The following ANKRD36C variants were observed in gnomAD, a reference collection of about 807,000 sequenced individuals.
The protein encoded by ANKRD36C is ankyrin repeat domain 36C.
Under a neutral mutation model 276.4 loss-of-function variants are expected in ANKRD36C, and 61 were observed. The observed-to-expected ratio is 0.22, with a 90% CI of 0.18 to 0.27. The LOEUF is 0.27. ANKRD36C is among the 10% of genes least tolerant of loss of function. The probability of loss-of-function intolerance (pLI) is 1.00; values close to 1 mark genes in which losing one functional copy is unlikely to be tolerated. For synonymous variants in ANKRD36C, 483 were observed against 680.1 expected, an observed-to-expected ratio of 0.71 and a Z score of 4.51; for missense variants, 1,447 against 2,032.3, an observed-to-expected ratio of 0.71 and a Z score of 5.54.
At chr2:95,891,234 A>C (rs1021999301) in intron 46 of ANKRD36C, among the ~76,000 whole-genome samples, 2 of 150,654 alleles carry the variant, frequency 1.3e-5, no homozygotes, top group African/African-American at 4.8e-5. Context: ...AATAGTTGCT[A>C]CACCAGGGGT....
At chr2:95,897,219 T>A in intron 44 of ANKRD36C, 51 bp downstream of exon 60, 1 of 1,328,278 alleles carries the variant, frequency 7.5e-7, no homozygotes, top group South Asian at 1.3e-5. Context: ...CGGAAGAGAA[T>A]TTCTTATCTA....
rs193204799 is a variant in ANKRD36C at position 95,986,317 on chromosome 2, T to C, written c.486+434A>G. Among the ~76,000 whole-genome samples the C allele has an allele frequency of 1.9e-3, 289 of 151,974 alleles. 4 individuals are homozygous for C. The highest frequency in any genetic ancestry group is 6.3e-3 in the African/African-American group (260 of 41,238). ...CAGATGAAATCACCTTCACATACAA[T>C]ACTTGTCAACAGCAACAAGATGTAC... On this transcript the variant is annotated intron_variant, in intron 3 of 66. Transcript: ENST00000456556.
intron 38 of ANKRD36C, among the ~76,000 whole-genome samples, chr2:95,915,240 G>T (rs907545052): frequency 9.2e-5 from 14 of 151,488 alleles, no homozygotes; most frequent in Non-Finnish European, 2.1e-4. Context: ...GAACAAGTAA[G>T]CCAACCTATT....
At chr2:95,902,157 A>C (rs1343754222) in intron 42 of ANKRD36C, among the ~76,000 whole-genome samples, 1 of 149,906 alleles carries the variant, frequency 6.7e-6, no homozygotes, top group Non-Finnish European at 1.5e-5. Context: ...ATTTATTCAT[A>C]TTCAAGATTA....
chr2:95,861,351 T>C (rs368259123), intron 60 of ANKRD36C, among the ~76,000 whole-genome samples: 3 of 151,706 alleles, frequency 2.0e-5, no homozygotes, highest in Non-Finnish European at 2.9e-5. Flanking sequence ...AAGCAGTTAA[T>C]AGATAACTCC....
At chr2:95,866,927 G>C (rs1350084940) in intron 60 of ANKRD36C, among the ~76,000 whole-genome samples, 2 of 152,154 alleles carry the variant, frequency 1.3e-5, no homozygotes, top group Non-Finnish European at 1.5e-5. Context: ...CTAAGGCACT[G>C]GCTGTGACAC....
chr2:95,920,118 C>G (rs1178580718), intron 34 of ANKRD36C, among the ~76,000 whole-genome samples, 198 bp from the exon 35 acceptor site: 3 of 131,622 alleles, frequency 2.3e-5, no homozygotes, highest in Non-Finnish European at 3.4e-5. Context: ...TCAAATATAT[C>G]CTTACAATTT....
At chr2:95,926,523 ATAAC>A (rs1401015136) in intron 28 of ANKRD36C, among the ~76,000 whole-genome samples, 5 of 151,624 alleles carry the variant, frequency 3.3e-5, no homozygotes, top group Non-Finnish European at 1.5e-5. Flanking sequence ...TGTCATTTGA[ATAAC>A]TAATATCAAC....
At chr2:95,916,303 T>A in intron 36 of ANKRD36C, 132 bp from the exon 39 acceptor site, 1 of 1,475,574 alleles carries the variant, frequency 6.8e-7, no homozygotes, top group Non-Finnish European at 9.2e-7. Context: ...TTCTACTTTG[T>A]GTCTGGGGAC....
rs1347308129 is a variant in ANKRD36C, at chr2:95,944,613, A to G, written c.1491+14T>C. The G allele has an allele frequency of 2.0e-6, 3 of 1,536,934 alleles. No individual in the cohort carries two copies. In the South Asian group the frequency reaches 3.6e-5, roughly 18 times the overall value. On this transcript the variant is annotated intron_variant, in intron 19 of 66. Coordinates refer to ENST00000456556, the Ensembl canonical transcript of ANKRD36C. Reference sequence around the variant, plus strand: ...GATTATTCTATGTTGGCTTTTAACCACATCTTCATTTACCTTATCAACATT... The same window carrying G: ...GATTATTCTATGTTGGCTTTTAACCGCATCTTCATTTACCTTATCAACATT...
At chr2:95,988,482 C>A (rs934743166) in intron 1 of ANKRD36C, among the ~76,000 whole-genome samples, 2 of 151,404 alleles carry the variant, frequency 1.3e-5, no homozygotes, top group African/African-American at 2.4e-5. Flanking sequence ...TCAGGCTGGG[C>A]AGGTAAACAT....
chr2:95,985,305 G>GA (rs1013355792), intron 3 of ANKRD36C, among the ~76,000 whole-genome samples: 1 of 152,226 alleles, frequency 6.6e-6, no homozygotes, highest in African/African-American at 2.4e-5. Context: ...TTGGAAAGGA[G>GA]AAATTTAAAG....
At chr2:95,922,665 T>C (rs1259303965) in intron 32 of ANKRD36C, among the ~76,000 whole-genome samples, 7 of 151,756 alleles carry the variant, frequency 4.6e-5, no homozygotes, top group Non-Finnish European at 8.9e-5. Context: ...TTTTTAAAAT[T>C]GTCTTGTTAG....
At chr2:95,866,577 A>G (rs1478466436) in intron 60 of ANKRD36C, among the ~76,000 whole-genome samples, 1 of 152,094 alleles carries the variant, frequency 6.6e-6, no homozygotes, top group African/African-American at 2.4e-5. Flanking sequence ...AACCCATAAG[A>G]ATATACATAA....
rs906940562 is a variant in ANKRD36C at position 95,931,849 on chromosome 2, T to TAAACACACACACACAC, written c.1736-2583_1736-2582insGTGTGTGTGTGTGTTT. Among the ~76,000 whole-genome samples, 113 of 111,604 alleles carry TAAACACACACACACAC rather than the reference T, an allele frequency of 1.0e-3. 7 individuals carry two copies. Among genetic ancestry groups the TAAACACACACACACAC allele is most frequent in the South Asian group, 1.3e-3 (5 of 3,792 alleles). 73.2% of individuals were successfully genotyped at this position (111,604 alleles called of 152,430 possible). ...CAGAAGAGAAAAAAATACACACACA[T>TAAACACACACACACAC]ACACACACACACACACACATTCACA... On this transcript the variant is annotated intron_variant, in intron 24 of 66. Coordinates refer to ENST00000456556, the Ensembl canonical transcript of ANKRD36C.
intron 17 of ANKRD36C, among the ~76,000 whole-genome samples, chr2:95,945,984 G>C (rs1678036102): frequency 6.6e-6 from 1 of 152,068 alleles, no homozygotes; most frequent in Admixed American, 6.6e-5. Context: ...CATAATATAT[G>C]CCTAATAATA....
At chr2:95,857,319 T>C in exon 62 of ANKRD36C, 1 of 1,585,354 alleles carries the variant, frequency 6.3e-7, no homozygotes, top group Middle Eastern at 2.3e-4. Flanking sequence ...CTGATTTGAA[T>C]TATTTCCTCC....
chr2:95,884,030 C>T (rs372873516), intron 54 of ANKRD36C, 143 bp downstream of exon 74: 5 of 984,946 alleles, frequency 5.1e-6, no homozygotes, highest in African/African-American at 1.7e-5. Context: ...CAGCGTCACC[C>T]GAGAACTTAT....
intron 6 of ANKRD36C, among the ~76,000 whole-genome samples, chr2:95,967,311 T>C (rs948052214): frequency 6.6e-6 from 1 of 152,006 alleles, no homozygotes; most frequent in Non-Finnish European, 1.5e-5. Flanking sequence ...AATGATCTCA[T>C]CAAAAAGTGG....
Sources: allele counts gnomAD v4.1 joint callset (sites outside exome capture counted in the v4.1 genomes callset), GRCh38; gene constraint gnomAD v4.1.1; transcripts MANE v1.5; gene names NCBI Gene and HGNC (gene_info 2026-07-23, HGNC 2026-07-21).